The following TNIP3 variants were observed in gnomAD, a reference collection of about 807,000 sequenced individuals.
The protein encoded by TNIP3 is TNFAIP3 interacting protein 3.
TNIP3 carries 34 observed loss-of-function variants against 54.1 expected under a neutral mutation model. The ratio of observed to expected loss-of-function variants is 0.63; its 90% CI spans 0.48 to 0.84. The LOEUF is 0.84. Among genes scored for constraint, TNIP3 ranks in the 40% least tolerant of loss-of-function variants. The pLI, the probability that TNIP3 is intolerant of heterozygous loss-of-function variation, is 0.00. For synonymous variants in TNIP3, 134 were observed against 136.8 expected, an observed-to-expected ratio of 0.98 and a Z score of 0.14; for missense variants, 366 against 387.6, an observed-to-expected ratio of 0.94 and a Z score of 0.47.
At chr4:121,210,557 T>G (rs1322850652) in intron 2 of TNIP3, among the ~76,000 whole-genome samples, 3 of 152,170 alleles carry the variant, frequency 2.0e-5, no homozygotes, top group Non-Finnish European at 4.4e-5. Context: ...GGAAACAGCA[T>G]AGATTGGGTG....
At position 121,133,248 on chromosome 4, in the gene TNIP3, A is replaced by G. The variant is rs1407471743; in HGVS notation, c.947-586T>C. The stretch of plus-strand genomic sequence containing the variant: ...TAATCATAGAAATGCCAAGAAACAA[A>G]GAGTTATCCTTATCCCTGATAACTT... On this transcript the variant is annotated intron_variant, in intron 10 of 10. Coordinates refer to ENST00000057513, the MANE Select transcript of TNIP3 (RefSeq NM_024873.6). Among the ~76,000 whole-genome samples the G allele has an allele frequency of 2.0e-5, 3 of 152,224 alleles. No homozygotes were observed. The East Asian group carries it at 5.8e-4, about 29-fold the overall frequency.
chr4:121,188,569 T>A (rs1486619995), intron 2 of TNIP3, among the ~76,000 whole-genome samples: 2 of 152,358 alleles, frequency 1.3e-5, no homozygotes, highest in East Asian at 3.9e-4. Flanking sequence ...ATCTAAAGTT[T>A]ATTTAAATTT....
upstream of TNIP3, among the ~76,000 whole-genome samples, chr4:121,168,967 C>T (rs111875054): frequency 2.0e-5 from 3 of 152,102 alleles, no homozygotes; most frequent in African/African-American, 7.2e-5. Flanking sequence ...TGCATGACAC[C>T]AACTCACCAT....
intron 3 of TNIP3, among the ~76,000 whole-genome samples, chr4:121,174,486 G>T (rs1041212340): frequency 1.3e-5 from 2 of 152,040 alleles, no homozygotes; most frequent in Admixed American, 6.6e-5. Context: ...ATATGGAAAG[G>T]CTATGGTGAG....
At position 121,164,118 on chromosome 4, in the gene TNIP3, T is replaced by C. The variant is rs774608365; in HGVS notation, c.8A>G (p.His3Arg). The C allele has an allele frequency of 3.7e-6, 6 of 1,613,636 alleles. No individual in the cohort carries two copies. In the African/African-American group the frequency reaches 8.0e-5, roughly 22 times the overall value. Reference protein sequence around the residue: MAHFVQGTSRMIA... With the variant: MARFVQGTSRMIA... ...CATTCTAGATGTGCCCTGTACAAAA[T>C]GTGCCATGGAAGCTGTTTTTCCTGG... The change falls in exon 1 of 11, where the codon CAT becomes CGT. Residue 3 changes from histidine (H) to arginine (R), a missense_variant. His to Arg is a conservative substitution (Grantham distance 29). Coordinates refer to ENST00000057513, the MANE Select transcript of TNIP3 (RefSeq NM_024873.6).
intron 2 of TNIP3, among the ~76,000 whole-genome samples, chr4:121,193,326 A>G (rs1725399821): frequency 6.6e-6 from 1 of 152,192 alleles, no homozygotes; most frequent in African/African-American, 2.4e-5. Flanking sequence ...CGTGCCAGAA[A>G]TTAGGCAGGA....
At chr4:121,151,859 A>C (rs1729779149) in intron 5 of TNIP3, among the ~76,000 whole-genome samples, 1 of 152,184 alleles carries the variant, frequency 6.6e-6, no homozygotes. Context: ...AAACACCTAT[A>C]ACCTATTCTA....
intron 3 of TNIP3, among the ~76,000 whole-genome samples, chr4:121,181,039 T>C (rs546205865): frequency 6.6e-6 from 1 of 152,156 alleles, no homozygotes; most frequent in South Asian, 2.1e-4. Flanking sequence ...CGTAGGAAAA[T>C]CAGTATCTTA....
intron 2 of TNIP3, among the ~76,000 whole-genome samples, chr4:121,197,511 GAC>G (rs1398566350): frequency 7.2e-6 from 1 of 138,592 alleles, no homozygotes; most frequent in Non-Finnish European, 1.5e-5. Context: ...CAGCCTGGGT[GAC>G]AGAGCGAGAC....
In TNIP3 at chr4:121,197,756, C is replaced by T. The variant is rs1725676557; in HGVS notation, c.69-14960G>A. Among the ~76,000 whole-genome samples, 2 of 152,008 alleles carry T rather than the reference C, an allele frequency of 1.3e-5. 1 individual carries two copies. The highest frequency in any genetic ancestry group is 4.1e-4 in the South Asian group (2 of 4,826). The stretch of plus-strand genomic sequence containing the variant: ...TGGGGGCAAATTTAGAAATCCTCCT[C>T]AAAATACATTAGCCACCATGAAAGA... On this transcript the variant is annotated intron_variant, in intron 2 of 12. Transcript: ENST00000507879.
intron 2 of TNIP3, among the ~76,000 whole-genome samples, chr4:121,203,582 C>A (rs1726020066): frequency 6.6e-6 from 1 of 152,214 alleles, no homozygotes; most frequent in South Asian, 2.1e-4. Flanking sequence ...CTCATATAAC[C>A]AAACACCACC....
intron 3 of TNIP3, among the ~76,000 whole-genome samples, chr4:121,172,451 G>A (rs571769944): frequency 9.2e-5 from 14 of 152,306 alleles, no homozygotes; most frequent in African/African-American, 1.9e-4. Flanking sequence ...GAAAAAACCC[G>A]TAAGAGATAG....
At chr4:121,147,313 G>A in intron 6 of TNIP3, 139 bp from the exon 7 acceptor site, 1 of 1,034,596 alleles carries the variant, frequency 9.7e-7, no homozygotes, top group Non-Finnish European at 1.3e-6. Context: ...CTGTTTTGGA[G>A]CAAGTCATCC....
upstream of TNIP3, among the ~76,000 whole-genome samples, chr4:121,217,826 G>A (rs901861037): frequency 1.1e-4 from 16 of 152,224 alleles, no homozygotes; most frequent in Middle Eastern, 3.4e-3. Context: ...AAAAATTACC[G>A]TTAAAATGCT....
upstream of TNIP3, among the ~76,000 whole-genome samples, chr4:121,168,393 G>T (rs1440805780): frequency 6.6e-6 from 1 of 151,868 alleles, no homozygotes; most frequent in Non-Finnish European, 1.5e-5. Flanking sequence ...TAGAGACAGG[G>T]TTTCACCATA....
intron 3 of TNIP3, among the ~76,000 whole-genome samples, chr4:121,173,773 T>C (rs1724132000): frequency 6.6e-6 from 1 of 152,072 alleles, no homozygotes; most frequent in Non-Finnish European, 1.5e-5. Flanking sequence ...GGGTTACAGG[T>C]GTGTGTCACC....
intron 2 of TNIP3, among the ~76,000 whole-genome samples, chr4:121,213,029 G>A (rs1190271480): frequency 6.6e-6 from 1 of 152,126 alleles, no homozygotes; most frequent in African/African-American, 2.4e-5. Context: ...CAGCTGTTTG[G>A]CTGCTCAATG....
At chr4:121,159,517 C>T (rs1258683324) in intron 2 of TNIP3, among the ~76,000 whole-genome samples, 1 of 151,908 alleles carries the variant, frequency 6.6e-6, no homozygotes, top group Non-Finnish European at 1.5e-5. Context: ...ATATTTTTTC[C>T]AGCTCTTTTA....
chr4:121,157,191 C>T lies in TNIP3; in HGVS notation c.266G>A (p.Arg89Gln), dbSNP rs1438199267. The T allele has an allele frequency of 6.2e-7, 1 of 1,613,512 alleles. No homozygotes were observed. The highest frequency in any genetic ancestry group is 8.5e-7 in the Non-Finnish European group (1 of 1,179,630). Residue 89 changes from arginine (R) to glutamine (Q), a missense_variant, in exon 4 of 11, where the codon CGG becomes CAG. By Grantham distance (43) the Arg-to-Gln change is conservative (BLOSUM62 1). Transcript: ENST00000057513. ...CTGCCTCTGATGCGGATCCTTCTCC[C>T]GCGTGCTGAGGAATCTTTCCGCGGC... ...LDAAERFLST[R>Q]EKDPHQRQRK... is the part of the protein sequence containing the mutation.
Sources: gnomAD v4.1 joint callset for allele counts (sites outside exome capture counted in the v4.1 genomes callset) on GRCh38, gnomAD v4.1.1 for gene constraint, MANE v1.5 for transcripts, NCBI Gene and HGNC (gene_info 2026-07-23, HGNC 2026-07-21) for gene names.